Variants in AGBL4 observed in about 807,000 individuals in gnomAD.
AGBL4 encodes the protein cytosolic carboxypeptidase 6.
A neutral mutation model predicts 66.4 loss-of-function variants in AGBL4; 58 were observed. The observed-to-expected ratio is 0.87, with a 90% CI of 0.71 to 1.09. The LOEUF (loss-of-function observed/expected upper bound fraction) is 1.09. Among genes scored for constraint, AGBL4 ranks in the 50% least tolerant of loss-of-function variants. AGBL4 has a pLI of 0.00. For missense variants in AGBL4, 579 were observed against 631.0 expected, an observed-to-expected ratio of 0.92 and a Z score of 0.88; for synonymous variants, 234 against 222.9, an observed-to-expected ratio of 1.05 and a Z score of -0.44.
chr1:49,571,933 C>A (rs1644339347), intron 3 of AGBL4, among the ~76,000 whole-genome samples: 2 of 152,052 alleles, frequency 1.3e-5, no homozygotes, highest in South Asian at 4.1e-4. Flanking sequence ...TTATTGTAGT[C>A]TATTATCTTT....
At chr1:49,617,531 A>G (rs1173798373) in intron 3 of AGBL4, among the ~76,000 whole-genome samples, 1 of 152,200 alleles carries the variant, frequency 6.6e-6, no homozygotes, top group African/African-American at 2.4e-5. Context: ...GTGTGATTCT[A>G]AAGTTTATGT....
intron 2 of AGBL4, among the ~76,000 whole-genome samples, chr1:49,807,578 T>C (rs890167254): frequency 6.6e-6 from 1 of 152,180 alleles, no homozygotes; most frequent in African/African-American, 2.4e-5. Context: ...CCATATCTAA[T>C]TGAGATGATA....
intron 1 of AGBL4, among the ~76,000 whole-genome samples, chr1:49,984,751 A>G (rs912182565): frequency 1.3e-5 from 2 of 152,218 alleles, no homozygotes; most frequent in Non-Finnish European, 1.5e-5. Flanking sequence ...AATATAAGAT[A>G]TTACATAATT....
chr1:49,879,192 A>T (rs1223445437), intron 1 of AGBL4, among the ~76,000 whole-genome samples: 1 of 130,672 alleles, frequency 7.7e-6, no homozygotes, highest in Non-Finnish European at 1.6e-5. Context: ...TGTGAATTTG[A>T]TCCTGTCATT....
At chr1:49,808,387 C>A (rs914933007) in intron 2 of AGBL4, among the ~76,000 whole-genome samples, 11 of 152,136 alleles carry the variant, frequency 7.2e-5, no homozygotes, top group African/African-American at 2.7e-4. Flanking sequence ...GAAAAGACTA[C>A]AAACTTTGAT....
At chr1:49,391,650 C>T (rs1644851710) in intron 3 of AGBL4, among the ~76,000 whole-genome samples, 2 of 151,142 alleles carry the variant, frequency 1.3e-5, no homozygotes, top group South Asian at 2.1e-4. Flanking sequence ...CAAGCTCCGC[C>T]TCCCGGGTTC....
chr1:48,625,739 G>A (rs2148403169), intron 9 of AGBL4, among the ~76,000 whole-genome samples: 1 of 152,246 alleles, frequency 6.6e-6, no homozygotes, highest in East Asian at 1.9e-4. Context: ...TAGTTGAGAG[G>A]TATCCAGAGT....
At chr1:48,627,496 T>C (rs937353527) in intron 9 of AGBL4, among the ~76,000 whole-genome samples, 1 of 152,058 alleles carries the variant, frequency 6.6e-6, no homozygotes, top group Non-Finnish European at 1.5e-5. Context: ...CACCAGCTGC[T>C]CTGTTTGTCA....
chr1:49,603,681 T>C (rs1435172209), intron 3 of AGBL4, among the ~76,000 whole-genome samples: 3 of 152,090 alleles, frequency 2.0e-5, no homozygotes, highest in Non-Finnish European at 4.4e-5. Context: ...TGGTGTACAT[T>C]ATACCCAACA....
At chr1:49,111,529 C>T (rs1406524145) in intron 4 of AGBL4, among the ~76,000 whole-genome samples, 1 of 152,236 alleles carries the variant, frequency 6.6e-6, no homozygotes, top group African/African-American at 2.4e-5. Flanking sequence ...ATTCAATCTT[C>T]AGATTAAATG....
intron 3 of AGBL4, among the ~76,000 whole-genome samples, chr1:49,674,543 G>A (rs911534081): frequency 8.4e-5 from 12 of 143,224 alleles, no homozygotes; most frequent in African/African-American, 2.8e-4. Context: ...TTATTAAAGA[G>A]AATAAAAGAA....
rs1190968609 is a variant in AGBL4, at chr1:48,759,272, G to A, written c.635-96031C>T. 26 of 1,556,932 alleles carry A rather than the reference G, an allele frequency of 1.7e-5. No individual in the cohort carries two copies. The highest frequency in any genetic ancestry group is 1.9e-5 in the Admixed American group (1 of 51,500). ...TTGTGCGCCACTTCGCTCGGCTTCC[G>A]CCCCTCAGGTCTCTGTGTAGGACAA... is the stretch of plus-strand genomic sequence containing the variant. On this transcript the variant is annotated intron_variant, in intron 6 of 13. Coordinates refer to ENST00000371839, the MANE Select transcript of AGBL4 (RefSeq NM_032785.4).
chr1:49,509,859 G>A (rs1252478449), intron 3 of AGBL4, among the ~76,000 whole-genome samples: 1 of 151,874 alleles, frequency 6.6e-6, no homozygotes, highest in Admixed American at 6.6e-5. Context: ...TAATATATAT[G>A]AAATACTAGA....
intron 3 of AGBL4, among the ~76,000 whole-genome samples, chr1:49,345,823 A>G (rs950484032): frequency 2.6e-5 from 4 of 152,186 alleles, no homozygotes; most frequent in Non-Finnish European, 5.9e-5. Flanking sequence ...GACAAGTGCA[A>G]TAAGAATCTA....
chr1:49,935,752 T>G (rs1653930739), intron 1 of AGBL4, among the ~76,000 whole-genome samples: 1 of 151,902 alleles, frequency 6.6e-6, no homozygotes, highest in Non-Finnish European at 1.5e-5. Flanking sequence ...TCTAGCAAAC[T>G]CCAACAGACC....
intron 2 of AGBL4, among the ~76,000 whole-genome samples, chr1:49,806,258 TAGAA>T (rs1303730174): frequency 6.6e-6 from 1 of 152,162 alleles, no homozygotes; most frequent in African/African-American, 2.4e-5. Context: ...GATGAGTTCT[TAGAA>T]AGAAATAAAG....
intron 5 of AGBL4, among the ~76,000 whole-genome samples, chr1:48,968,089 T>A (rs1297995732): frequency 8.9e-6 from 1 of 112,438 alleles, no homozygotes; most frequent in Non-Finnish European, 2.0e-5. Context: ...GGATCAGAAA[T>A]CTCCCTGTCA....
intron 3 of AGBL4, among the ~76,000 whole-genome samples, chr1:49,588,338 T>C (rs1644689663): frequency 6.6e-6 from 1 of 152,196 alleles, no homozygotes; most frequent in African/African-American, 2.4e-5. Flanking sequence ...ATTTCCACCC[T>C]GAGCTCCTTA....
intron 1 of AGBL4, among the ~76,000 whole-genome samples, chr1:49,854,197 G>A (rs1308481330): frequency 2.6e-5 from 4 of 151,620 alleles, no homozygotes; most frequent in Admixed American, 2.0e-4. Context: ...TCATTCACAA[G>A]GAAGGGGCAA....
Sources: gnomAD v4.1 joint callset for allele counts (sites outside exome capture counted in the v4.1 genomes callset) on GRCh38, gnomAD v4.1.1 for gene constraint, MANE v1.5 for transcripts, NCBI Gene and HGNC (gene_info 2026-07-23, HGNC 2026-07-21) for gene names.